The following BCL2L1 variants were observed in gnomAD, a reference collection of about 807,000 sequenced individuals.
BCL2L1 encodes bcl-2-like protein 1.
BCL2L1 carries 1 observed loss-of-function variant against 18.7 expected under a neutral mutation model. The ratio of observed to expected loss-of-function variants is 0.05; its 90% CI spans 0.02 to 0.25. The LOEUF (loss-of-function observed/expected upper bound fraction) is 0.25. Among genes scored for constraint, BCL2L1 ranks in the 10% least tolerant of loss-of-function variants. The pLI is 1.00. For missense variants in BCL2L1, 207 were observed against 304.9 expected, an observed-to-expected ratio of 0.68 and a Z score of 2.39; for synonymous variants, 103 against 122.7, an observed-to-expected ratio of 0.84 and a Z score of 1.06.
At chr20:31,671,851 T>C (rs2060674009) in intron 2 of BCL2L1, among the ~76,000 whole-genome samples, 1 of 149,564 alleles carries the variant, frequency 6.7e-6, no homozygotes, top group South Asian at 2.1e-4. Context: ...TACTATACTA[T>C]ATATACCATA....
chr20:31,667,483 C>CAGTGTGTGTGTGTGTGTGTG (rs2060605165), intron 2 of BCL2L1, among the ~76,000 whole-genome samples: 1 of 64,092 alleles, frequency 1.6e-5, no homozygotes. Flanking sequence ...TACCATAGTA[C>CAGTGTGTGTGTGTGTGTGTG]CGTGTGTGTG....
At chr20:31,723,427 G>A (rs1234733271), upstream of BCL2L1, 1 of 985,334 alleles carries the variant, frequency 1.0e-6, no homozygotes, top group Non-Finnish European at 1.2e-6. Flanking sequence ...GCCCAAAGTG[G>A]CTTTCTGGCG....
intron 2 of BCL2L1, among the ~76,000 whole-genome samples, chr20:31,675,557 C>T (rs1315784698): frequency 6.6e-6 from 1 of 152,178 alleles, no homozygotes; most frequent in Admixed American, 6.5e-5. Context: ...CCCAGGGGAG[C>T]TGTTGGCTCC....
At chr20:31,682,933 C>T (rs889387925) in intron 2 of BCL2L1, among the ~76,000 whole-genome samples, 1 of 152,152 alleles carries the variant, frequency 6.6e-6, no homozygotes, top group Non-Finnish European at 1.5e-5. Flanking sequence ...TCTAGAGTCC[C>T]ACCATTTCCC....
intron 2 of BCL2L1, among the ~76,000 whole-genome samples, chr20:31,714,403 T>A (rs188154797): frequency 1.3e-3 from 204 of 152,348 alleles, no homozygotes; most frequent in Non-Finnish European, 2.4e-3. Context: ...TGCAAGGGCC[T>A]GCTCTGAGAT....
intron 2 of BCL2L1, 46 bp from the exon 3 acceptor site, chr20:31,666,132 G>A: frequency 6.2e-7 from 1 of 1,605,954 alleles, no homozygotes; most frequent in Non-Finnish European, 8.5e-7. Context: ...CTCAGAGAGT[G>A]ATGTAGGTGG....
chr20:31,683,036 C>T (rs6060680), intron 2 of BCL2L1, among the ~76,000 whole-genome samples: 13,870 of 152,194 alleles, frequency 0.091, 2,097 homozygotes, highest in African/African-American at 0.31. Flanking sequence ...AGCTTCTTAT[C>T]GACTCCATGG....
intron 2 of BCL2L1, among the ~76,000 whole-genome samples, chr20:31,673,970 A>G (rs1014895923): frequency 6.6e-6 from 1 of 152,232 alleles, no homozygotes; most frequent in South Asian, 2.1e-4. Context: ...TTTGATCCTC[A>G]TAACATTTAT....
At chr20:31,669,418 C>CTTTGT (rs888105250) in intron 2 of BCL2L1, among the ~76,000 whole-genome samples, 1 of 150,344 alleles carries the variant, frequency 6.7e-6, no homozygotes, top group Non-Finnish European at 1.5e-5. Context: ...AGATTCTGTA[C>CTTTGT]TTTGTTTTTG....
At chr20:31,691,931 C>T (rs1461094072) in intron 2 of BCL2L1, among the ~76,000 whole-genome samples, 1 of 152,174 alleles carries the variant, frequency 6.6e-6, no homozygotes, top group Non-Finnish European at 1.5e-5. Context: ...TAATGGAAAA[C>T]CCATATGCTG....
At chr20:31,681,681 T>C (rs771198244) in intron 2 of BCL2L1, among the ~76,000 whole-genome samples, 16 of 152,200 alleles carry the variant, frequency 1.1e-4, no homozygotes, top group African/African-American at 2.7e-4. Flanking sequence ...CTGAAAGGAT[T>C]TGCTGATGAA....
chr20:31,676,628 A>C (rs1373696921), intron 2 of BCL2L1, among the ~76,000 whole-genome samples: 1 of 152,142 alleles, frequency 6.6e-6, no homozygotes, highest in Non-Finnish European at 1.5e-5. Context: ...TCACCCTTGG[A>C]ACAGAGTCGG....
intron 2 of BCL2L1, among the ~76,000 whole-genome samples, chr20:31,673,150 C>T (rs989722411): frequency 6.7e-6 from 1 of 150,090 alleles, no homozygotes; most frequent in Non-Finnish European, 1.5e-5. Flanking sequence ...TGGCTCACTG[C>T]AACCTCAGCC....
At chr20:31,678,967 G>A (rs557147777) in intron 2 of BCL2L1, among the ~76,000 whole-genome samples, 3 of 152,234 alleles carry the variant, frequency 2.0e-5, no homozygotes, top group African/African-American at 4.8e-5. Flanking sequence ...AGGCACCCAC[G>A]GTGTTGCATT....
rs2060990084 is a variant in BCL2L1 at position 31,687,912 on chromosome 20, C to T, written c.565-21826G>A. On this transcript the variant is annotated intron_variant, in intron 2 of 2. Transcript: ENST00000307677. ...TAAAGGTGTACTGTAAGAGCACAGG[C>T]ATCAGAGGATTGAAACCTGGGCTTA... Among the ~76,000 whole-genome samples the T allele has an allele frequency of 1.3e-5, 2 of 152,062 alleles. 1 individual carries two copies. The highest frequency in any genetic ancestry group is 4.1e-4 in the South Asian group (2 of 4,828).
intron 2 of BCL2L1, among the ~76,000 whole-genome samples, chr20:31,672,335 G>T (rs1427757049): frequency 1.3e-5 from 2 of 151,956 alleles, no homozygotes; most frequent in African/African-American, 2.4e-5. Flanking sequence ...GTGGTGGCAG[G>T]CATCTGTAAT....
intron 2 of BCL2L1, among the ~76,000 whole-genome samples, chr20:31,691,309 T>C (rs962361549): frequency 6.7e-5 from 10 of 150,244 alleles, no homozygotes; most frequent in African/African-American, 2.2e-4. Context: ...AGGTCAGGAG[T>C]TGGAGACCAG....
intron 2 of BCL2L1, among the ~76,000 whole-genome samples, chr20:31,717,856 A>G (rs1296337649): frequency 2.0e-5 from 3 of 152,222 alleles, no homozygotes; most frequent in Non-Finnish European, 2.9e-5. Flanking sequence ...TTCTTCAGGG[A>G]CAGCAATCCC....
rs368899820 is a variant in BCL2L1, at chr20:31,667,804, T to C, written c.565-1718A>G. 3.0e-4 allele frequency among the ~76,000 whole-genome samples: 45 copies of C among 152,290 alleles called. 2 individuals carry two copies. In the East Asian group the frequency reaches 7.9e-3, roughly 27 times the overall value. ...GCACTTAGAAGGGCAGCATCATTTA[T>C]TTTTGTATCCCTGGTACCTAGCAAA... On this transcript the variant is annotated intron_variant, in intron 2 of 2. Coordinates refer to ENST00000307677, the MANE Select transcript of BCL2L1 (RefSeq NM_138578.3).
Sources: gnomAD v4.1 joint callset for allele counts (sites outside exome capture counted in the v4.1 genomes callset) on GRCh38, gnomAD v4.1.1 for gene constraint, MANE v1.5 for transcripts, NCBI Gene and HGNC (gene_info 2026-07-23, HGNC 2026-07-21) for gene names.